Variants in GCKR observed in about 807,000 individuals in gnomAD.
GCKR encodes the protein glucokinase regulator.
Under a neutral mutation model 82.9 loss-of-function variants are expected in GCKR, and 73 were observed. The ratio of observed to expected loss-of-function variants is 0.88; its 90% CI spans 0.73 to 1.07. The LOEUF (loss-of-function observed/expected upper bound fraction) is 1.07, where lower values mean the gene tolerates loss of function less well. Among genes scored for constraint, GCKR ranks in the 50% least tolerant of loss-of-function variants. GCKR has a pLI of 0.00. For missense variants in GCKR, 784 were observed against 782.1 expected (o/e 1.00, Z -0.03); for synonymous variants, 294 against 291.8 (o/e 1.01, Z -0.08).
chr2:27,505,653 C>T (rs900890634), intron 9 of GCKR, 65 bp from the exon 10 acceptor site: 3 of 861,094 alleles, frequency 3.5e-6, no homozygotes, highest in African/African-American at 3.3e-5. Context: ...CCGGGGGTTA[C>T]TAACAAGTGG....
intron 16 of GCKR, among the ~76,000 whole-genome samples, chr2:27,517,196 T>G (rs1359852228): frequency 3.3e-5 from 5 of 152,192 alleles, no homozygotes; most frequent in Admixed American, 3.3e-4. Flanking sequence ...GTATTTTTAG[T>G]AGAGACGGGG....
chr2:27,511,838 A>G (rs1669891219), intron 16 of GCKR, among the ~76,000 whole-genome samples: 1 of 152,200 alleles, frequency 6.6e-6, no homozygotes, highest in Non-Finnish European at 1.5e-5. Context: ...AACCTACAGA[A>G]AAATACGAAA....
At chr2:27,520,834 G>A (rs997866424) in intron 17 of GCKR, among the ~76,000 whole-genome samples, 1 of 151,930 alleles carries the variant, frequency 6.6e-6, no homozygotes, top group African/African-American at 2.4e-5. Flanking sequence ...TCAGGAGTTC[G>A]AGACCAGCCT....
At position 27,506,854 on chromosome 2, in the gene GCKR, T is replaced by C. The variant is rs1042219626; in HGVS notation, c.1035T>C (p.Asp345=). ...CCCTGGGCATCATTGCCATCATGGATGGAGTAGAGTGCATCCACACCTTTG... is the reference window on the plus strand; with the variant it reads ...CCCTGGGCATCATTGCCATCATGGACGGAGTAGAGTGCATCCACACCTTTG... ...WQTLGIIAIM[D]GVECIHTFGA... The change falls in exon 12 of 19, where the codon GAT becomes GAC. Residue 345 remains aspartate (D), a synonymous_variant. Coordinates refer to ENST00000264717, the MANE Select transcript of GCKR (RefSeq NM_001486.4). 2.5e-6 allele frequency: 4 copies of C among 1,612,236 alleles called. No homozygotes were observed. The African/African-American group carries it at 4.0e-5, about 16-fold the overall frequency.
At chr2:27,498,903 C>T (rs541974207) in intron 5 of GCKR, 106 bp downstream of exon 5, 10 of 777,970 alleles carry the variant, frequency 1.3e-5, no homozygotes, top group African/African-American at 1.0e-4. Flanking sequence ...TGTCTTAGTC[C>T]TCACCATTCC....
Position 27,506,853 on chromosome 2 carries a change from A to T in GCKR, c.1034A>T (p.Asp345Val), listed in dbSNP as rs1297734868. 3.7e-6 allele frequency: 6 copies of T among 1,612,756 alleles called. No homozygotes were observed. The highest frequency in any genetic ancestry group is 5.1e-6 in the Non-Finnish European group (6 of 1,178,904). The change falls in exon 12 of 19, where the codon GAT becomes GTT. Residue 345 changes from aspartate to valine, a missense_variant. Coordinates refer to ENST00000264717, the MANE Select transcript of GCKR (RefSeq NM_001486.4). The part of the protein sequence containing the change: ...WQTLGIIAIM[D>V]GVECIHTFGA... ...ACCCTGGGCATCATTGCCATCATGGATGGAGTAGAGTGCATCCACACCTTT... is the reference window on the plus strand; with the variant it reads ...ACCCTGGGCATCATTGCCATCATGGTTGGAGTAGAGTGCATCCACACCTTT...
intron 6 of GCKR, 91 bp downstream of exon 6, chr2:27,499,299 T>C: frequency 7.4e-7 from 1 of 1,349,260 alleles, no homozygotes; most frequent in South Asian, 1.2e-5. Context: ...AAAGCCTATT[T>C]CCTCCCTCCC....
At chr2:27,504,079 T>G (rs1669647788) in intron 9 of GCKR, among the ~76,000 whole-genome samples, 1 of 152,266 alleles carries the variant, frequency 6.6e-6, no homozygotes, top group Non-Finnish European at 1.5e-5. Flanking sequence ...TTGTTCCTTT[T>G]TTTCTCATCT....
chr2:27,518,930 T>G lies in GCKR; in HGVS notation c.1565T>G (p.Met522Arg). 1 of 1,459,000 alleles carries G rather than the reference T, an allele frequency of 6.9e-7. No homozygotes were observed. The highest frequency in any genetic ancestry group is 9.3e-7 in the Non-Finnish European group (1 of 1,073,258). 90.4% of individuals were successfully genotyped at this position (1,459,000 alleles called of 1,614,324 possible). A position where few individuals can be genotyped will look rare whatever the true frequency, so the allele number is the denominator to read the frequency against. ...NSKLFWRALA[M>R]LQRFSGQSKA... ...AAGCTCTTCTGGCGGGCGCTGGCCA[T>G]GCTGCAGGTAGGGATATGATGGGGC... Residue 522 changes from methionine (M) to arginine (R), a missense_variant, in exon 17 of 19, where the codon ATG becomes AGG. By Grantham distance (91) the Met-to-Arg change is moderately conservative. Coordinates refer to ENST00000264717, the MANE Select transcript of GCKR (RefSeq NM_001486.4).
rs757285289 is a variant in GCKR, at chr2:27,497,233, C to A, written c.61-11C>A. The A allele has an allele frequency of 8.1e-6, 13 of 1,614,108 alleles. No homozygotes were observed. Among genetic ancestry groups the A allele is most frequent in the Admixed American group, 1.7e-5 (1 of 60,006 alleles). The stretch of plus-strand genomic sequence containing the variant: ...GCTTCCTGCTCCATCCTTGTCCCCT[C>A]TTCCTTCTAGTTGTCTGGGTACGAG... On this transcript the variant is annotated splice_polypyrimidine_tract_variant and intron_variant, in intron 1 of 18. Transcript: ENST00000264717.
chr2:27,497,273 C>T lies in GCKR; in HGVS notation c.90C>T (p.Ile30=). The T allele has an allele frequency of 6.2e-7, 1 of 1,614,184 alleles. No individual in the cohort carries two copies. The highest frequency in any genetic ancestry group is 1.3e-5 in the African/African-American group (1 of 75,034). ...CTGGGTACGAGGCAGCTGTGCCAAT[C>T]ACGGAGAAGTCAAACCCACTGACCC... The part of the protein sequence containing the change: ...ELSGYEAAVP[I]TEKSNPLTQD... The change falls in exon 2 of 19, where the codon ATC becomes ATT. Residue 30 remains isoleucine (I), a synonymous_variant. Coordinates refer to ENST00000264717, the MANE Select transcript of GCKR (RefSeq NM_001486.4).
Position 27,508,124 on chromosome 2 carries a change from C to T in GCKR, c.1339-44C>T, listed in dbSNP as rs142183677. ...GACCCAGGTGGCAGTTGCAGCCAGG[C>T]CTTCCTGGAGATGCCTCTCCTGCTC... On this transcript the variant is annotated intron_variant, in intron 15 of 18. Coordinates refer to ENST00000264717, the MANE Select transcript of GCKR (RefSeq NM_001486.4). 46 of 1,578,816 alleles carry T rather than the reference C, an allele frequency of 2.9e-5. 1 individual carries two copies. Among genetic ancestry groups the T allele is most frequent in the South Asian group, 2.5e-4 (23 of 90,382 alleles).
intron 17 of GCKR, among the ~76,000 whole-genome samples, chr2:27,519,175 G>A (rs139408404): frequency 2.0e-5 from 3 of 152,300 alleles, no homozygotes; most frequent in Admixed American, 6.5e-5. Flanking sequence ...GATGGAAAAC[G>A]AGTTTATACT....
chr2:27,523,139 T>A, intron 18 of GCKR, 130 bp from the exon 19 acceptor site: 4 of 740,824 alleles, frequency 5.4e-6, no homozygotes, highest in Non-Finnish European at 9.5e-6. Flanking sequence ...ACTTAAGTGA[T>A]CTGCCCACCT....
chr2:27,509,477 C>A, intron 16 of GCKR: 1 of 422,206 alleles, frequency 2.4e-6, no homozygotes, highest in Non-Finnish European at 4.9e-6. Context: ...GTAGGTAGGA[C>A]CACAGGCACT....
At chr2:27,512,264 G>A (rs763871042) in intron 16 of GCKR, among the ~76,000 whole-genome samples, 3 of 144,870 alleles carry the variant, frequency 2.1e-5, no homozygotes, top group African/African-American at 7.7e-5. Flanking sequence ...AAAGCCGGGC[G>A]TGGTGGCTCA....
chr2:27,498,476 A>G (rs1572858376), intron 4 of GCKR, among the ~76,000 whole-genome samples, 153 bp downstream of exon 4: 1 of 152,154 alleles, frequency 6.6e-6, no homozygotes, highest in Non-Finnish European at 1.5e-5. Flanking sequence ...GCTAGATGTC[A>G]CCATGAAGTC....
intron 7 of GCKR, among the ~76,000 whole-genome samples, chr2:27,500,794 G>A (rs1669555346): frequency 1.3e-5 from 2 of 152,174 alleles, no homozygotes; most frequent in South Asian, 4.1e-4. Flanking sequence ...CTGGCTCTAA[G>A]AATTCACTTC....
chr2:27,513,139 C>A (rs1033086892), intron 16 of GCKR, among the ~76,000 whole-genome samples: 2 of 152,106 alleles, frequency 1.3e-5, no homozygotes, highest in African/African-American at 2.4e-5. Flanking sequence ...ACTGATGATT[C>A]TTGGTTGAAT....
Sources: allele counts gnomAD v4.1 joint callset (sites outside exome capture counted in the v4.1 genomes callset), GRCh38; gene constraint gnomAD v4.1.1; transcripts MANE v1.5; gene names NCBI Gene and HGNC (gene_info 2026-07-23, HGNC 2026-07-21).